Variants in GPR39 observed in about 807,000 individuals in gnomAD.
GPR39 encodes the protein G protein-coupled receptor 39, also known as zinc sensing receptor.
A neutral mutation model predicts 18.4 loss-of-function variants in GPR39; 23 were observed. The observed-to-expected ratio is 1.25, with a 90% CI of 0.90 to 1.77. The LOEUF (loss-of-function observed/expected upper bound fraction) is 1.77, where lower values mean the gene tolerates loss of function less well. Among genes scored for constraint, GPR39 ranks in the 40% most tolerant of loss-of-function variants. GPR39 has a pLI of 0.00. For missense variants in GPR39, 647 were observed against 602.4 expected, an observed-to-expected ratio of 1.07 and a Z score of -0.78; for synonymous variants, 280 against 257.9, an observed-to-expected ratio of 1.09 and a Z score of -0.82.
At chr2:132,522,629 G>C (rs998123379) in intron 1 of GPR39, among the ~76,000 whole-genome samples, 6 of 152,180 alleles carry the variant, frequency 3.9e-5, no homozygotes, top group Admixed American at 1.3e-4. Context: ...CCAATATGGG[G>C]GACAGCAAGA....
intron 1 of GPR39, among the ~76,000 whole-genome samples, chr2:132,560,092 T>C (rs1680223265): frequency 6.6e-6 from 1 of 152,012 alleles, no homozygotes; most frequent in Admixed American, 6.5e-5. Context: ...GCTGTCTGCA[T>C]CCCTCAGCCA....
At chr2:132,614,558 A>G (rs908057076) in intron 1 of GPR39, among the ~76,000 whole-genome samples, 2 of 147,334 alleles carry the variant, frequency 1.4e-5, no homozygotes, top group African/African-American at 5.0e-5. Context: ...GCTTTCTTTT[A>G]AAAGTCTCTT....
At chr2:132,610,991 A>G (rs2104849902) in intron 1 of GPR39, among the ~76,000 whole-genome samples, 1 of 152,232 alleles carries the variant, frequency 6.6e-6, no homozygotes, top group South Asian at 2.1e-4. Context: ...TTCATTGGTT[A>G]GGCCACATGG....
At chr2:132,559,459 G>A (rs1680208179) in intron 1 of GPR39, among the ~76,000 whole-genome samples, 2 of 152,060 alleles carry the variant, frequency 1.3e-5, no homozygotes, top group African/African-American at 4.8e-5. Flanking sequence ...CAGGGAGCCC[G>A]AGTTTCATTC....
At chr2:132,609,815 G>A (rs1298220264) in intron 1 of GPR39, among the ~76,000 whole-genome samples, 2 of 152,088 alleles carry the variant, frequency 1.3e-5, no homozygotes, top group Non-Finnish European at 2.9e-5. Flanking sequence ...GAGGAGCAAG[G>A]GTCATACCCT....
chr2:132,522,171 G>T (rs1307193608), intron 1 of GPR39, among the ~76,000 whole-genome samples: 2 of 152,190 alleles, frequency 1.3e-5, no homozygotes, highest in East Asian at 3.9e-4. Flanking sequence ...CCCACGTTGT[G>T]ATATAAATGA....
intron 1 of GPR39, among the ~76,000 whole-genome samples, chr2:132,610,663 G>T (rs2104849473): frequency 6.6e-6 from 1 of 151,280 alleles, no homozygotes; most frequent in South Asian, 2.1e-4. Flanking sequence ...TGTAGTCCCA[G>T]CTACTCAGGA....
At chr2:132,487,797 G>A (rs1344494553) in intron 1 of GPR39, among the ~76,000 whole-genome samples, 1 of 152,112 alleles carries the variant, frequency 6.6e-6, no homozygotes, top group Non-Finnish European at 1.5e-5. Context: ...AGGGTAGAAT[G>A]AGAAAGTTTA....
chr2:132,597,762 G>A (rs1680971175), intron 1 of GPR39, among the ~76,000 whole-genome samples: 1 of 152,164 alleles, frequency 6.6e-6, no homozygotes, highest in East Asian at 1.9e-4. Flanking sequence ...AGTCAAACAG[G>A]CAATATGAAA....
intron 1 of GPR39, among the ~76,000 whole-genome samples, chr2:132,443,793 GGCACAGTGGCTCAAGCCTGTAATCCCA>G (rs796314797): frequency 5.9e-4 from 90 of 152,330 alleles, no homozygotes; most frequent in African/African-American, 2.0e-3. Context: ...TTGTCAGCCA[GGCACAGTGGCTCAAGCCTGTAATCCCA>G]GCACTTTGAG....
chr2:132,612,862 G>A (rs566968976), intron 1 of GPR39, among the ~76,000 whole-genome samples: 2 of 152,164 alleles, frequency 1.3e-5, no homozygotes, highest in South Asian at 4.2e-4. Flanking sequence ...ATATGTGCTA[G>A]GATTTTCATT....
At chr2:132,518,234 CAG>C (rs1396792245) in intron 1 of GPR39, among the ~76,000 whole-genome samples, 2 of 152,028 alleles carry the variant, frequency 1.3e-5, no homozygotes, top group Admixed American at 1.3e-4. Flanking sequence ...CCCCTCTGTG[CAG>C]AGTGTTGTAA....
intron 1 of GPR39, among the ~76,000 whole-genome samples, chr2:132,469,573 G>A (rs1377189173): frequency 1.3e-5 from 2 of 152,204 alleles, no homozygotes. Context: ...GTGAGCGTGT[G>A]TGTGTAAACG....
chr2:132,623,174 C>G (rs1681472438), intron 1 of GPR39, among the ~76,000 whole-genome samples: 1 of 152,014 alleles, frequency 6.6e-6, no homozygotes, highest in Non-Finnish European at 1.5e-5. Context: ...CTCCCCAGGC[C>G]CCTTCAAAAG....
At chr2:132,567,246 C>T (rs149908869) in intron 1 of GPR39, among the ~76,000 whole-genome samples, 1,956 of 152,222 alleles carry the variant, frequency 0.013, 49 homozygotes, top group African/African-American at 0.044. Context: ...CGCTTGAACC[C>T]GGGAGGTGGA....
At chr2:132,522,246 T>G (rs1368738740) in intron 1 of GPR39, among the ~76,000 whole-genome samples, 2 of 152,208 alleles carry the variant, frequency 1.3e-5, no homozygotes, top group African/African-American at 4.8e-5. Flanking sequence ...AACCTACTTG[T>G]GCTTTCAAAC....
In GPR39 at chr2:132,451,862, T is replaced by G. The variant is rs142116138; in HGVS notation, c.856+33964T>G. Among the ~76,000 whole-genome samples the G allele has an allele frequency of 2.1e-3, 320 of 152,332 alleles. 1 individual carries two copies. Among genetic ancestry groups the G allele is most frequent in the African/African-American group, 6.7e-3 (278 of 41,576 alleles). ...AATCATAAATCCCAACTTGCTTTAG[T>G]CTTAGTCCTACATTTAAATAGATTC... On this transcript the variant is annotated intron_variant, in intron 1 of 1. Transcript: ENST00000329321.
chr2:132,588,916 G>A (rs897892256), intron 1 of GPR39, among the ~76,000 whole-genome samples: 5 of 152,110 alleles, frequency 3.3e-5, no homozygotes, highest in African/African-American at 1.2e-4. Flanking sequence ...AGCCTCAAAT[G>A]GGGAGATAGA....
intron 1 of GPR39, among the ~76,000 whole-genome samples, chr2:132,549,457 C>T (rs544103753): frequency 1.3e-5 from 2 of 152,336 alleles, no homozygotes; most frequent in South Asian, 4.1e-4. Context: ...TCCCCACCTT[C>T]ACCCTCTCAC....
Sources: allele counts gnomAD v4.1 joint callset (sites outside exome capture counted in the v4.1 genomes callset), GRCh38; gene constraint gnomAD v4.1.1; transcripts MANE v1.5; gene names NCBI Gene and HGNC (gene_info 2026-07-23, HGNC 2026-07-21).